CLSTN2: variants seen among roughly 807,000 people sequenced by gnomAD.
CLSTN2 encodes calsyntenin 2, also known as calsyntenin-2.
In CLSTN2, 48 loss-of-function variants were observed where a neutral mutation model predicts 101.2. The ratio of observed to expected loss-of-function variants is 0.47; its 90% CI spans 0.38 to 0.60. The LOEUF (loss-of-function observed/expected upper bound fraction) is 0.60, where lower values mean the gene tolerates loss of function less well. CLSTN2 is among the 20% of genes least tolerant of loss of function. The probability of loss-of-function intolerance (pLI) is 0.00; values close to 1 mark genes in which losing one functional copy is unlikely to be tolerated. For missense variants in CLSTN2, 1,160 were observed against 1,238.2 expected (o/e 0.94, Z 0.95); for synonymous variants, 481 against 463.6 (o/e 1.04, Z -0.48).
At chr3:140,188,968 G>C (rs1251407910) in intron 2 of CLSTN2, among the ~76,000 whole-genome samples, 1 of 152,078 alleles carries the variant, frequency 6.6e-6, no homozygotes, top group Non-Finnish European at 1.5e-5. Flanking sequence ...CAACTTACCT[G>C]TTCTCATTCA....
At chr3:140,431,862 A>C (rs771660930) in intron 5 of CLSTN2, among the ~76,000 whole-genome samples, 2 of 152,228 alleles carry the variant, frequency 1.3e-5, no homozygotes, top group Non-Finnish European at 2.9e-5. Context: ...CTGTAAATTA[A>C]GAATCATAAT....
intron 11 of CLSTN2, among the ~76,000 whole-genome samples, chr3:140,558,163 G>A (rs1424070373): frequency 6.6e-6 from 1 of 152,190 alleles, no homozygotes; most frequent in Admixed American, 6.5e-5. Flanking sequence ...GATTACAATA[G>A]CACTTTGCTC....
At position 140,108,748 on chromosome 3, in the gene CLSTN2, C is replaced by T. The variant is rs111913180; in HGVS notation, c.110-67203C>T. Among the ~76,000 whole-genome samples, 6 of 152,276 alleles carry T rather than the reference C, an allele frequency of 3.9e-5. 1 individual carries two copies. Among genetic ancestry groups the T allele is most frequent in the African/African-American group, 1.4e-4 (6 of 41,556 alleles). On this transcript the variant is annotated intron_variant, in intron 1 of 16. Coordinates refer to ENST00000458420, the MANE Select transcript of CLSTN2 (RefSeq NM_022131.3). ...TTTGTTGTATTTTGAAGCCCTATTT[C>T]TTCTAGTAAGAAGCACGCATCTAAA...
intron 8 of CLSTN2, among the ~76,000 whole-genome samples, chr3:140,500,066 CA>C (rs147385527): frequency 0.12 from 15,298 of 128,024 alleles, 961 homozygotes; most frequent in Non-Finnish European, 0.17. Context: ...GACTCCGTCT[CA>C]AAAAAAAAAA....
chr3:140,004,633 A>G (rs2006917528), intron 1 of CLSTN2, among the ~76,000 whole-genome samples: 1 of 152,242 alleles, frequency 6.6e-6, no homozygotes, highest in Non-Finnish European at 1.5e-5. Context: ...GATTTTCATC[A>G]GGGAGCCAAG....
chr3:139,982,669 A>G (rs1176420490), intron 1 of CLSTN2, among the ~76,000 whole-genome samples: 1 of 152,176 alleles, frequency 6.6e-6, no homozygotes, highest in Non-Finnish European at 1.5e-5. Context: ...GCTGCTAAAA[A>G]TCCTCCTGTG....
chr3:140,452,157 G>A (rs1000471705), intron 6 of CLSTN2, among the ~76,000 whole-genome samples: 27 of 152,118 alleles, frequency 1.8e-4, no homozygotes, highest in Admixed American at 1.8e-3. Context: ...GATGGCAGTT[G>A]CCTGTGGTAT....
intron 9 of CLSTN2, among the ~76,000 whole-genome samples, chr3:140,539,222 TA>T (rs1935420203): frequency 6.6e-6 from 1 of 152,234 alleles, no homozygotes; most frequent in Non-Finnish European, 1.5e-5. Flanking sequence ...TAATATTTGT[TA>T]AATTATATCC....
intron 1 of CLSTN2, among the ~76,000 whole-genome samples, chr3:140,161,583 A>G (rs1413267157): frequency 3.3e-5 from 5 of 152,286 alleles, no homozygotes; most frequent in Non-Finnish European, 4.4e-5. Context: ...AAAAGAACCA[A>G]TCTTGTCACT....
chr3:140,357,237 C>T lies in CLSTN2; in HGVS notation c.233-46392C>T, dbSNP rs548903153. Among the ~76,000 whole-genome samples the T allele has an allele frequency of 4.6e-5, 7 of 152,200 alleles. No homozygotes were observed. In the South Asian group the frequency reaches 1.5e-3, roughly 32 times the overall value. On this transcript the variant is annotated intron_variant, in intron 2 of 16. Transcript: ENST00000458420. The stretch of plus-strand genomic sequence containing the variant: ...TTTTCTTAAATTGCCAGAAATATTA[C>T]CAATTATATTCATTATAGCCCACGA...
chr3:140,566,549 T>C lies in CLSTN2; in HGVS notation c.*296T>C. 2.4e-6 allele frequency: 1 copy of C among 416,118 alleles called. No individual in the cohort carries two copies. The highest frequency in any genetic ancestry group is 4.4e-6 in the Non-Finnish European group (1 of 225,344). 25.8% of individuals were successfully genotyped at this position (416,118 alleles called of 1,614,324 possible). ...ACTACCTGTCTGCAGAGTTTGCCTT[T>C]GTTTTTTCCTGCAGGGAAGAAGGCC... On this transcript the variant is annotated 3_prime_UTR_variant, in exon 17 of 17. Coordinates refer to ENST00000458420, the MANE Select transcript of CLSTN2 (RefSeq NM_022131.3).
At chr3:140,306,420 G>A (rs993809566) in intron 2 of CLSTN2, among the ~76,000 whole-genome samples, 1 of 152,072 alleles carries the variant, frequency 6.6e-6, no homozygotes, top group Non-Finnish European at 1.5e-5. Context: ...AAAAACTCAG[G>A]TTTTATTGCC....
chr3:140,404,474 C>A lies in CLSTN2; in HGVS notation c.429-84C>A, dbSNP rs796322710. On this transcript the variant is annotated intron_variant, in intron 3 of 16. Transcript: ENST00000458420. Reference sequence around the variant, plus strand: ...TTCTCCTTTCACTTGGCCTTGGGACCTCAGTCAGTGCCCCCAGGAGGTACA... The same window carrying A: ...TTCTCCTTTCACTTGGCCTTGGGACATCAGTCAGTGCCCCCAGGAGGTACA... The A allele has an allele frequency of 1.8e-5, 23 of 1,291,080 alleles. No individual in the cohort carries two copies. In the African/African-American group the frequency reaches 2.2e-4, roughly 12 times the overall value. 80.0% of individuals were successfully genotyped at this position (1,291,080 alleles called of 1,614,324 possible). A position where few individuals can be genotyped will look rare whatever the true frequency, so the allele number is the denominator to read the frequency against.
At position 140,028,183 on chromosome 3, in the gene CLSTN2, G is replaced by A. The variant is rs16849706; in HGVS notation, c.109+92700G>A. ...GGATCCCTAGCACATTGGGGGAATA[G>A]CAGCAACCTGGAGGGAAGGTCGTGT... On this transcript the variant is annotated intron_variant, in intron 1 of 16. Coordinates refer to ENST00000458420, the MANE Select transcript of CLSTN2 (RefSeq NM_022131.3). Among the ~76,000 whole-genome samples the A allele has an allele frequency of 6.1e-3, 922 of 152,270 alleles. 14 individuals carry two copies. Among genetic ancestry groups the A allele is most frequent in the East Asian group, 0.051 (264 of 5,178 alleles).
intron 8 of CLSTN2, among the ~76,000 whole-genome samples, chr3:140,514,283 C>A (rs1026425496): frequency 6.6e-6 from 1 of 152,042 alleles, no homozygotes; most frequent in Admixed American, 6.6e-5. Flanking sequence ...TTTTATCCCT[C>A]ACACCCCAAA....
chr3:139,973,364 G>A (rs1452087061), intron 1 of CLSTN2, among the ~76,000 whole-genome samples: 1 of 152,222 alleles, frequency 6.6e-6, no homozygotes, highest in African/African-American at 2.4e-5. Context: ...ACTGGCTCAG[G>A]TCAGTAGCCA....
At chr3:140,276,233 C>T (rs932826093) in intron 2 of CLSTN2, among the ~76,000 whole-genome samples, 1 of 152,172 alleles carries the variant, frequency 6.6e-6, no homozygotes, top group Non-Finnish European at 1.5e-5. Flanking sequence ...AGCCAACTGA[C>T]AACACCTTGC....
At chr3:140,074,083 C>A (rs1192214164) in intron 1 of CLSTN2, among the ~76,000 whole-genome samples, 1 of 152,134 alleles carries the variant, frequency 6.6e-6, no homozygotes, top group Non-Finnish European at 1.5e-5. Context: ...CACACCAGCA[C>A]CCTAGCTCTT....
intron 8 of CLSTN2, among the ~76,000 whole-genome samples, chr3:140,516,970 A>G (rs1934930246): frequency 2.0e-5 from 3 of 151,978 alleles, no homozygotes; most frequent in Admixed American, 1.3e-4. Context: ...ACATCAACTA[A>G]TCTTAGGTTT....
Sources: gnomAD v4.1 joint callset for allele counts (sites outside exome capture counted in the v4.1 genomes callset) on GRCh38, gnomAD v4.1.1 for gene constraint, MANE v1.5 for transcripts, NCBI Gene and HGNC (gene_info 2026-07-23, HGNC 2026-07-21) for gene names.